The following CTIF variants were observed in gnomAD, a reference collection of about 807,000 sequenced individuals.
The protein encoded by CTIF is cap binding complex dependent translation initiation factor, also known as CBP80/20-dependent translation initiation factor.
A neutral mutation model predicts 66.0 loss-of-function variants in CTIF; 21 were observed. The observed-to-expected ratio is 0.32, with a 90% CI of 0.23 to 0.46. The LOEUF (loss-of-function observed/expected upper bound fraction) is 0.46, where lower values mean the gene tolerates loss of function less well. Among genes scored for constraint, CTIF ranks in the 20% least tolerant of loss-of-function variants. The pLI, the probability that CTIF is intolerant of heterozygous loss-of-function variation, is 1.00. For synonymous variants in CTIF, 345 were observed against 326.4 expected (o/e 1.06, Z -0.62); for missense variants, 739 against 812.7 (o/e 0.91, Z 1.10).
At chr18:48,765,958 C>CTT (rs58491346) in intron 9 of CTIF, among the ~76,000 whole-genome samples, 2 of 145,590 alleles carry the variant, frequency 1.4e-5, no homozygotes, top group East Asian at 2.0e-4. Context: ...ATCATTTTTT[C>CTT]TTTTTTTTAT....
intron 7 of CTIF, among the ~76,000 whole-genome samples, chr18:48,723,325 T>C (rs939959400): frequency 6.6e-5 from 10 of 151,766 alleles, no homozygotes; most frequent in African/African-American, 2.4e-4. Flanking sequence ...GGCTGCTGCC[T>C]CATTCAAAGG....
intron 7 of CTIF, among the ~76,000 whole-genome samples, chr18:48,733,533 G>A (rs115676896): frequency 0.05 from 7,588 of 152,282 alleles, 620 homozygotes; most frequent in African/African-American, 0.17. Flanking sequence ...GGCTGGGGAG[G>A]AGTTACAGGG....
Position 48,650,312 on chromosome 18 carries a change from C to T in CTIF, c.253-13440C>T, listed in dbSNP as rs2091132137. Among the ~76,000 whole-genome samples the T allele has an allele frequency of 2.0e-5, 3 of 152,088 alleles. No individual in the cohort carries two copies. The South Asian group carries it at 6.2e-4, about 32-fold the overall frequency. Reference sequence around the variant, plus strand: ...GACCTGATGGAGCTGAAAACCATGGCATGAGAACTCGTGACGCATGCACAA... The same window carrying T: ...GACCTGATGGAGCTGAAAACCATGGTATGAGAACTCGTGACGCATGCACAA... On this transcript the variant is annotated intron_variant, in intron 3 of 11. Transcript: ENST00000256413.
intron 9 of CTIF, among the ~76,000 whole-genome samples, chr18:48,793,131 A>G (rs2067830327): frequency 6.6e-6 from 1 of 152,156 alleles, no homozygotes; most frequent in Non-Finnish European, 1.5e-5. Context: ...CAACAGGCCA[A>G]CTGCAGGAGA....
rs147442111 is a variant in CTIF at position 48,846,891 on chromosome 18, A to T, written c.1528-10697A>T. On this transcript the variant is annotated intron_variant, in intron 10 of 11. Transcript: ENST00000256413. ...GATGGATGAGTAGGCAAGTAGACAGATGGATAAAAGGGTGGATGAGTGGAT... is the reference window on the plus strand; with the variant it reads ...GATGGATGAGTAGGCAAGTAGACAGTTGGATAAAAGGGTGGATGAGTGGAT... 3.4e-3 allele frequency among the ~76,000 whole-genome samples: 516 copies of T among 152,260 alleles called. 3 individuals carry two copies. The highest frequency in any genetic ancestry group is 0.012 in the African/African-American group (484 of 41,538).
At chr18:48,855,791 C>G (rs1188241267) in intron 10 of CTIF, among the ~76,000 whole-genome samples, 1 of 152,134 alleles carries the variant, frequency 6.6e-6, no homozygotes, top group African/African-American at 2.4e-5. Flanking sequence ...GACGTTTTAC[C>G]AGGAAAACTA....
At chr18:48,850,388 T>G (rs570076705) in intron 10 of CTIF, among the ~76,000 whole-genome samples, 2 of 152,342 alleles carry the variant, frequency 1.3e-5, no homozygotes, top group South Asian at 4.1e-4. Flanking sequence ...TAAGTGAAGC[T>G]GTTGTCTCCT....
At chr18:48,698,104 TAAAAAAAAAA>T (rs527429582) in intron 6 of CTIF, among the ~76,000 whole-genome samples, 1 of 13,070 alleles carries the variant, frequency 7.7e-5, no homozygotes, top group Non-Finnish European at 2.0e-4. Flanking sequence ...TAGCCATCAT[TAAAAAAAAAA>T]AAAAAAAAAA....
chr18:48,615,959 C>A (rs961003930), intron 1 of CTIF, among the ~76,000 whole-genome samples: 17 of 152,210 alleles, frequency 1.1e-4, no homozygotes, highest in Non-Finnish European at 4.4e-5. Flanking sequence ...CAATTCTGTC[C>A]CCTTTCTCGG....
chr18:48,654,989 G>T (rs1259583528), intron 3 of CTIF, among the ~76,000 whole-genome samples: 1 of 151,962 alleles, frequency 6.6e-6, no homozygotes, highest in East Asian at 1.9e-4. Context: ...GGGGGGCAGG[G>T]GGAGAGATAG....
Position 48,747,734 on chromosome 18 carries a change from C to T in CTIF, c.585-10185C>T, listed in dbSNP as rs565906526. Among the ~76,000 whole-genome samples the T allele has an allele frequency of 2.1e-4, 31 of 147,278 alleles. 1 individual carries two copies. In the South Asian group the frequency reaches 6.3e-3, roughly 30 times the overall value. ...CCAGCATGGGCAACATAGCAAAACT[C>T]CTGTCTCTACAAAAATTAAAAAAAA... On this transcript the variant is annotated intron_variant, in intron 7 of 11. Transcript: ENST00000256413.
chr18:48,707,578 TCTC>T (rs974151803), intron 6 of CTIF, among the ~76,000 whole-genome samples: 105 of 152,010 alleles, frequency 6.9e-4, no homozygotes, highest in African/African-American at 2.3e-3. Flanking sequence ...CTCTTTCCCT[TCTC>T]CTCCTCTTCC....
intron 1 of CTIF, among the ~76,000 whole-genome samples, chr18:48,547,868 G>A (rs1444357516): frequency 1.3e-5 from 2 of 152,190 alleles, no homozygotes; most frequent in East Asian, 3.8e-4. Context: ...TTGGCTCGGT[G>A]CTTTTCGGAT....
intron 1 of CTIF, among the ~76,000 whole-genome samples, chr18:48,585,983 T>C (rs954098276): frequency 1.3e-5 from 2 of 152,224 alleles, no homozygotes; most frequent in African/African-American, 4.8e-5. Context: ...GAACTCTTGC[T>C]TCTGTGTGTT....
chr18:48,581,687 T>C (rs1277081157), intron 1 of CTIF, among the ~76,000 whole-genome samples: 1 of 152,156 alleles, frequency 6.6e-6, no homozygotes, highest in Non-Finnish European at 1.5e-5. Flanking sequence ...TTCTTTCTTT[T>C]TGTTGCCTGC....
At chr18:48,578,455 G>A (rs1252614294) in intron 1 of CTIF, among the ~76,000 whole-genome samples, 1 of 152,120 alleles carries the variant, frequency 6.6e-6, no homozygotes, top group Admixed American at 6.5e-5. Flanking sequence ...ATGCTTGAGG[G>A]TTCCAGTTTC....
intron 9 of CTIF, among the ~76,000 whole-genome samples, chr18:48,803,473 A>C (rs1171881955): frequency 1.3e-5 from 2 of 152,240 alleles, no homozygotes; most frequent in African/African-American, 2.4e-5. Context: ...AAAGGGCAGC[A>C]ATCACCCAGT....
At chr18:48,783,698 C>T (rs1374071256) in intron 9 of CTIF, among the ~76,000 whole-genome samples, 2 of 152,198 alleles carry the variant, frequency 1.3e-5, no homozygotes, top group African/African-American at 4.8e-5. Flanking sequence ...CCTCTATCCT[C>T]TCGGCTGGAG....
chr18:48,738,256 C>T (rs1382548426), intron 7 of CTIF, among the ~76,000 whole-genome samples: 1 of 152,104 alleles, frequency 6.6e-6, no homozygotes, highest in Non-Finnish European at 1.5e-5. Flanking sequence ...CCCGCTGGGC[C>T]AAGGCAGTGT....
Sources: allele counts gnomAD v4.1 joint callset (sites outside exome capture counted in the v4.1 genomes callset), GRCh38; gene constraint gnomAD v4.1.1; transcripts MANE v1.5; gene names NCBI Gene and HGNC (gene_info 2026-07-23, HGNC 2026-07-21).